The following NUDT7 variants were observed in gnomAD, a reference collection of about 807,000 sequenced individuals.
The protein encoded by NUDT7 is peroxisomal coenzyme A diphosphatase NUDT7.
NUDT7 carries 19 observed loss-of-function variants against 13.1 expected under a neutral mutation model. The ratio of observed to expected loss-of-function variants is 1.45; its 90% confidence interval spans 1.01 to 2.13. NUDT7 has a LOEUF of 2.13. Ranked by LOEUF, NUDT7 falls within the 30% of genes most tolerant of loss-of-function variation. NUDT7 has a pLI of 0.00. For missense variants in NUDT7, 360 were observed against 291.7 expected, an observed-to-expected ratio of 1.23 and a Z score of -1.71; for synonymous variants, 132 against 109.7, an observed-to-expected ratio of 1.20 and a Z score of -1.27.
In NUDT7 at chr16:77,723,982, C is replaced by G. The variant is rs577750707; in HGVS notation, c.35+1365C>G. The stretch of plus-strand genomic sequence containing the variant: ...TGCCTTCCCACAGAAAAAGTAAAAT[C>G]AGCTGTTCCTTTTCTAGGGCTGCCA... On this transcript the variant is annotated intron_variant, in intron 1 of 3. Transcript: ENST00000268533. Among the ~76,000 whole-genome samples the G allele has an allele frequency of 2.6e-5, 4 of 152,268 alleles. No homozygotes were observed. In the East Asian group the frequency reaches 7.7e-4, roughly 29 times the overall value.
intron 2 of NUDT7, among the ~76,000 whole-genome samples, chr16:77,734,450 C>T (rs977470066): frequency 1.1e-4 from 17 of 152,036 alleles, no homozygotes; most frequent in African/African-American, 1.7e-4. Context: ...GGTGAAACCC[C>T]GTCTCTACTA....
intron 2 of NUDT7, among the ~76,000 whole-genome samples, chr16:77,730,927 A>ATTT (rs71984117): frequency 0.096 from 14,483 of 150,794 alleles, 792 homozygotes; most frequent in African/African-American, 0.15. Flanking sequence ...CCATTTTTAA[A>ATTT]TTTTTTTTTA....
intron 3 of NUDT7, among the ~76,000 whole-genome samples, chr16:77,738,989 G>A (rs760578099): frequency 1.2e-4 from 18 of 152,206 alleles, no homozygotes; most frequent in Non-Finnish European, 2.5e-4. Context: ...GAATCAGAGG[G>A]TGCTGGGAAC....
intron 1 of NUDT7, among the ~76,000 whole-genome samples, chr16:77,723,202 C>T (rs1483302539): frequency 1.3e-5 from 2 of 152,196 alleles, no homozygotes; most frequent in Admixed American, 1.3e-4. Flanking sequence ...GCTGGTTTGT[C>T]TGGTCAGTTC....
At chr16:77,735,654 A>C in intron 2 of NUDT7, 174 bp from the exon 3 acceptor site, 1 of 671,528 alleles carries the variant, frequency 1.5e-6, no homozygotes, top group South Asian at 2.0e-5. Flanking sequence ...TTCAAGGTTC[A>C]TTTCTTAAAA....
In NUDT7 at chr16:77,733,692, G is replaced by A. The variant is rs113567225; in HGVS notation, c.190-2136G>A. Among the ~76,000 whole-genome samples, 114 of 152,242 alleles carry A rather than the reference G, an allele frequency of 7.5e-4. 1 individual carries two copies. The East Asian group carries it at 0.011, about 15-fold the overall frequency. On this transcript the variant is annotated intron_variant, in intron 2 of 3. Coordinates refer to ENST00000268533, the MANE Select transcript of NUDT7 (RefSeq NM_001105663.3). ...TTTAATGTGGCCACGCACCATTCCC[G>A]TGCATCCGCTCCATCCTCATGGAAC...
chr16:77,738,311 G>A (rs1156495924), intron 3 of NUDT7, among the ~76,000 whole-genome samples: 1 of 152,182 alleles, frequency 6.6e-6, no homozygotes, highest in Non-Finnish European at 1.5e-5. Flanking sequence ...GCATTAACAG[G>A]AAAGTGTCTC....
At chr16:77,737,643 G>A (rs911916371) in intron 3 of NUDT7, among the ~76,000 whole-genome samples, 4 of 152,042 alleles carry the variant, frequency 2.6e-5, no homozygotes, top group South Asian at 2.1e-4. Context: ...CCATCACCGC[G>A]CCCGGCTAAT....
At chr16:77,724,222 G>GTC (rs1228365935) in intron 1 of NUDT7, among the ~76,000 whole-genome samples, 3 of 151,912 alleles carry the variant, frequency 2.0e-5, no homozygotes, top group African/African-American at 7.3e-5. Context: ...TCTTCACATG[G>GTC]TCTTCTTCCC....
intron 3 of NUDT7, among the ~76,000 whole-genome samples, chr16:77,738,343 A>G (rs2014554007): frequency 2.6e-5 from 4 of 152,208 alleles, no homozygotes; most frequent in Admixed American, 2.6e-4. Flanking sequence ...TGGGGGCCAG[A>G]TACTCCTGGA....
In NUDT7 at chr16:77,727,475, A is replaced by T. The variant is rs1330348844; in HGVS notation, c.189+1891A>T. ...GATAGAAATCCAGGTTCCAGGGGGAAATACTTAAATGGAAACCAGGGGACC... is the reference window on the plus strand; with the variant it reads ...GATAGAAATCCAGGTTCCAGGGGGATATACTTAAATGGAAACCAGGGGACC... On this transcript the variant is annotated intron_variant, in intron 2 of 3. Coordinates refer to ENST00000268533, the MANE Select transcript of NUDT7 (RefSeq NM_001105663.3). 3.9e-5 allele frequency among the ~76,000 whole-genome samples: 6 copies of T among 152,238 alleles called. 1 individual carries two copies. The highest frequency in any genetic ancestry group is 1.3e-4 in the Admixed American group (2 of 15,286).
chr16:77,739,232 G>GA (rs1567432912), intron 3 of NUDT7, among the ~76,000 whole-genome samples: 3 of 151,976 alleles, frequency 2.0e-5, no homozygotes, highest in East Asian at 1.9e-4. Context: ...GAGAAGTAAA[G>GA]AAAAAAAAGA....
At chr16:77,734,634 A>C (rs551895993) in intron 2 of NUDT7, among the ~76,000 whole-genome samples, 1 of 152,270 alleles carries the variant, frequency 6.6e-6, no homozygotes, top group African/African-American at 2.4e-5. Flanking sequence ...AAAAGAAAAG[A>C]AAAGAGTAGC....
At chr16:77,726,805 A>G (rs990833668) in intron 2 of NUDT7, among the ~76,000 whole-genome samples, 5 of 152,166 alleles carry the variant, frequency 3.3e-5, no homozygotes, top group African/African-American at 1.2e-4. Context: ...AAAAAAAGAA[A>G]GAAAGAAAGA....
At chr16:77,727,015 A>G (rs1037893587) in intron 2 of NUDT7, among the ~76,000 whole-genome samples, 6 of 152,060 alleles carry the variant, frequency 3.9e-5, no homozygotes, top group African/African-American at 1.5e-4. Context: ...ATGGCCCCGG[A>G]TCTCATGAGA....
chr16:77,736,900 A>T (rs1183690222), intron 3 of NUDT7, among the ~76,000 whole-genome samples: 1 of 152,222 alleles, frequency 6.6e-6, no homozygotes, highest in Non-Finnish European at 1.5e-5. Context: ...GTTTTAATAA[A>T]ACCTTTAATT....
At chr16:77,731,370 C>A (rs1218171060) in intron 2 of NUDT7, among the ~76,000 whole-genome samples, 1 of 152,020 alleles carries the variant, frequency 6.6e-6, no homozygotes, top group Non-Finnish European at 1.5e-5. Flanking sequence ...ACAATGGTGG[C>A]CCCAAAAGAT....
At chr16:77,732,722 T>C (rs574668848) in intron 2 of NUDT7, among the ~76,000 whole-genome samples, 7 of 152,222 alleles carry the variant, frequency 4.6e-5, no homozygotes, top group Non-Finnish European at 8.8e-5. Flanking sequence ...GTGCACCCTG[T>C]GTTGTTTACA....
intron 3 of NUDT7, among the ~76,000 whole-genome samples, chr16:77,740,006 C>T (rs2014609049): frequency 6.6e-6 from 1 of 152,170 alleles, no homozygotes; most frequent in African/African-American, 2.4e-5. Flanking sequence ...CCTGGGAGCA[C>T]TTTCTTAAAA....
Sources: gnomAD v4.1 joint callset for allele counts (sites outside exome capture counted in the v4.1 genomes callset) on GRCh38, gnomAD v4.1.1 for gene constraint, MANE v1.5 for transcripts, NCBI Gene and HGNC (gene_info 2026-07-23, HGNC 2026-07-21) for gene names.